Variants in FRMD4A observed in about 807,000 individuals in gnomAD.
FRMD4A encodes the protein FERM domain-containing protein 4A.
FRMD4A carries 29 observed loss-of-function variants against 129.1 expected under a neutral mutation model. The ratio of observed to expected loss-of-function variants is 0.22; its 90% confidence interval spans 0.17 to 0.31. The LOEUF (loss-of-function observed/expected upper bound fraction) is 0.31, where lower values mean the gene tolerates loss of function less well. FRMD4A is among the 10% of genes least tolerant of loss of function. The pLI, the probability that FRMD4A is intolerant of heterozygous loss-of-function variation, is 1.00. For missense variants in FRMD4A, 1,272 were observed against 1,375.8 expected, an observed-to-expected ratio of 0.92 and a Z score of 1.19; for synonymous variants, 634 against 571.6, an observed-to-expected ratio of 1.11 and a Z score of -1.56.
chr10:13,901,479 G>A (rs1020011394), intron 2 of FRMD4A, among the ~76,000 whole-genome samples: 4 of 151,806 alleles, frequency 2.6e-5, no homozygotes, highest in South Asian at 2.1e-4. Context: ...GCATGGTGGC[G>A]GGTGCCTATA....
intron 2 of FRMD4A, among the ~76,000 whole-genome samples, chr10:13,921,033 T>C (rs1005859363): frequency 2.6e-5 from 4 of 152,186 alleles, no homozygotes; most frequent in Non-Finnish European, 5.9e-5. Context: ...GACTGGGTTC[T>C]ATTATGAATA....
chr10:13,963,981 C>T (rs2095465295), intron 2 of FRMD4A, among the ~76,000 whole-genome samples: 1 of 149,972 alleles, frequency 6.7e-6, no homozygotes. Flanking sequence ...ATGGGTGAAC[C>T]ACTGATCATT....
chr10:13,895,558 A>G (rs2094748039), intron 2 of FRMD4A, among the ~76,000 whole-genome samples: 1 of 152,208 alleles, frequency 6.6e-6, no homozygotes, highest in Non-Finnish European at 1.5e-5. Flanking sequence ...TGGACTGGGA[A>G]CAAATAAGAA....
chr10:14,100,212 C>A (rs942220649), intron 2 of FRMD4A, among the ~76,000 whole-genome samples: 1 of 152,144 alleles, frequency 6.6e-6, no homozygotes, highest in Non-Finnish European at 1.5e-5. Context: ...AATCACTTAT[C>A]GCATGTGGTG....
chr10:13,722,993 T>C (rs1224106121), intron 12 of FRMD4A, among the ~76,000 whole-genome samples: 1 of 152,050 alleles, frequency 6.6e-6, no homozygotes, highest in East Asian at 1.9e-4. Flanking sequence ...TACATCCCTA[T>C]GCTGGTTAGC....
rs574083753 is a variant in FRMD4A, at chr10:14,076,635, G to T, written c.46-217723C>A. Among the ~76,000 whole-genome samples, 79 of 150,744 alleles carry T rather than the reference G, an allele frequency of 5.2e-4. 1 individual carries two copies. Among genetic ancestry groups the T allele is most frequent in the Admixed American group, 3.9e-3 (59 of 15,194 alleles). On this transcript the variant is annotated intron_variant, in intron 2 of 24. Transcript: ENST00000357447. ...AGCCTGGGCGACAGAGCGAGACTCC[G>T]TCTCAAAAAAAAAAAAATGTGGATC... is the stretch of plus-strand genomic sequence containing the variant.
intron 2 of FRMD4A, among the ~76,000 whole-genome samples, chr10:14,170,716 T>A (rs1841430705): frequency 6.6e-6 from 1 of 152,194 alleles, no homozygotes; most frequent in Non-Finnish European, 1.5e-5. Context: ...CACAAACATT[T>A]GGTAAAAACA....
chr10:14,090,216 C>T (rs918372292), intron 2 of FRMD4A, among the ~76,000 whole-genome samples: 17 of 152,326 alleles, frequency 1.1e-4, no homozygotes, highest in African/African-American at 4.1e-4. Context: ...TGGAGGGCTG[C>T]AGGCCGACCG....
At chr10:13,794,791 T>C (rs1032396613) in intron 5 of FRMD4A, among the ~76,000 whole-genome samples, 2 of 152,256 alleles carry the variant, frequency 1.3e-5, no homozygotes, top group East Asian at 1.9e-4. Flanking sequence ...GCGTCTATTA[T>C]GGCTACGGAT....
chr10:13,814,620 A>AAG (rs1299390914), intron 3 of FRMD4A, among the ~76,000 whole-genome samples: 1 of 147,476 alleles, frequency 6.8e-6, no homozygotes, highest in Non-Finnish European at 1.5e-5. Context: ...AAGAAAGGGA[A>AAG]AGAGAGAGAG....
chr10:13,745,422 C>T (rs540636780), intron 9 of FRMD4A, among the ~76,000 whole-genome samples: 2 of 152,256 alleles, frequency 1.3e-5, no homozygotes, highest in East Asian at 1.9e-4. Context: ...ACTCTCAGGG[C>T]ATTTAACACT....
intron 13 of FRMD4A, among the ~76,000 whole-genome samples, chr10:13,706,568 T>G (rs1439391398): frequency 6.6e-6 from 1 of 152,188 alleles, no homozygotes; most frequent in Non-Finnish European, 1.5e-5. Context: ...GCACAACTGC[T>G]TTGGTGACAA....
chr10:13,942,223 C>A (rs1258244594), intron 2 of FRMD4A, among the ~76,000 whole-genome samples: 1 of 152,230 alleles, frequency 6.6e-6, no homozygotes, highest in South Asian at 2.1e-4. Context: ...CTGGGGAAGC[C>A]TCATTAAAGG....
intron 21 of FRMD4A, among the ~76,000 whole-genome samples, chr10:13,657,774 G>A (rs957316823): frequency 7.1e-6 from 1 of 140,860 alleles, no homozygotes; most frequent in Non-Finnish European, 1.5e-5. Context: ...TCACAGAAAG[G>A]TTTCGATTTC....
intron 2 of FRMD4A, among the ~76,000 whole-genome samples, chr10:14,037,730 G>C (rs1276801248): frequency 6.6e-6 from 1 of 152,154 alleles, no homozygotes; most frequent in Non-Finnish European, 1.5e-5. Flanking sequence ...CCAGTATAGA[G>C]AGTGTCTGAC....
chr10:13,775,404 G>A (rs181241051), intron 6 of FRMD4A, among the ~76,000 whole-genome samples: 1 of 152,228 alleles, frequency 6.6e-6, no homozygotes, highest in African/African-American at 2.4e-5. Flanking sequence ...CCAGAGCAAC[G>A]CCTTTGGTAT....
At chr10:14,097,706 A>T (rs1036528893) in intron 2 of FRMD4A, among the ~76,000 whole-genome samples, 1 of 151,350 alleles carries the variant, frequency 6.6e-6, no homozygotes, top group Non-Finnish European at 1.5e-5. Flanking sequence ...TTAGTTTTAT[A>T]TATTTTAGGG....
chr10:14,294,448 A>C (rs915279738), intron 2 of FRMD4A, among the ~76,000 whole-genome samples: 5 of 152,220 alleles, frequency 3.3e-5, no homozygotes, highest in Admixed American at 3.3e-4. Context: ...GCTTTGCAGT[A>C]AATGCAATAT....
At chr10:13,652,017 G>A (rs2081652970) in intron 23 of FRMD4A, 43 bp from the exon 24 acceptor site, 1 of 1,022,794 alleles carries the variant, frequency 9.8e-7, no homozygotes, top group Non-Finnish European at 1.6e-6. Flanking sequence ...GAGAGGTCAT[G>A]TTACAGAGAG....
Sources: gnomAD v4.1 joint callset for allele counts (sites outside exome capture counted in the v4.1 genomes callset) on GRCh38, gnomAD v4.1.1 for gene constraint, MANE v1.5 for transcripts, NCBI Gene and HGNC (gene_info 2026-07-23, HGNC 2026-07-21) for gene names.